The following NPY2R variants were observed in gnomAD, a reference collection of about 807,000 sequenced individuals.
NPY2R encodes neuropeptide Y receptor Y2.
In NPY2R, 17 loss-of-function variants were observed where a neutral mutation model predicts 22.3. That is an observed-to-expected ratio of 0.76 (90% CI 0.52 to 1.14). NPY2R has a LOEUF of 1.14. Among genes scored for constraint, NPY2R ranks in the 50% most tolerant of loss-of-function variants. NPY2R has a pLI of 0.00. For missense variants in NPY2R, 424 were observed against 467.9 expected, an observed-to-expected ratio of 0.91 and a Z score of 0.87; for synonymous variants, 209 against 183.4, an observed-to-expected ratio of 1.14 and a Z score of -1.13.
the NPY2R span, among the ~76,000 whole-genome samples, chr4:155,182,737 G>C: frequency 6.6e-6 from 1 of 152,002 alleles, no homozygotes; most frequent in Non-Finnish European, 1.5e-5. Flanking sequence ...CTGAACATGG[G>C]GCACAGAGAG....
Position 155,214,485 on chromosome 4 carries a change from C to T in NPY2R, c.546C>T (p.Pro182=). The change falls in exon 2 of 2, where the codon CCC becomes CCT. Residue 182 remains proline, a synonymous_variant. Transcript: ENST00000329476. ...AWGISALLAS[P]LAIFREYSLI... ...GCATCAGTGCCCTGCTGGCAAGTCC[C>T]CTGGCCATCTTCCGGGAGTATTCGC... is the stretch of plus-strand genomic sequence containing the variant. 6.2e-7 allele frequency: 1 copy of T among 1,614,172 alleles called. No individual in the cohort carries two copies. Among genetic ancestry groups the T allele is most frequent in the Non-Finnish European group, 8.5e-7 (1 of 1,180,032 alleles).
At chr4:155,185,790 C>T in the NPY2R span, among the ~76,000 whole-genome samples, 1 of 151,854 alleles carries the variant, frequency 6.6e-6, no homozygotes, top group Non-Finnish European at 1.5e-5. Flanking sequence ...TGAATAATAA[C>T]TGCCTATCTA....
chr4:155,204,947 G>A (rs1729252472), upstream of NPY2R, among the ~76,000 whole-genome samples: 1 of 151,938 alleles, frequency 6.6e-6, no homozygotes, highest in Admixed American at 6.6e-5. Flanking sequence ...CTGGCAGTCG[G>A]CCCTGCAGAA....
In NPY2R at chr4:155,214,401, C is replaced by T. The variant is rs751952541; in HGVS notation, c.462C>T (p.Tyr154=). ...TGGACCGGCACAGGTGCATCGTCTA[C>T]CACCTAGAGAGCAAGATCTCCAAGC... ...IALDRHRCIV[Y]HLESKISKRI... The change falls in exon 2 of 2, where the codon TAC becomes TAT. Residue 154 remains tyrosine, a synonymous_variant. Transcript: ENST00000329476. The T allele has an allele frequency of 3.7e-6, 6 of 1,613,992 alleles. No individual in the cohort carries two copies. The East Asian group carries it at 1.1e-4, about 30-fold the overall frequency.
the NPY2R span, among the ~76,000 whole-genome samples, chr4:155,181,488 G>A: frequency 6.6e-6 from 1 of 152,080 alleles, no homozygotes; most frequent in African/African-American, 2.4e-5. Flanking sequence ...CTATGGTCTG[G>A]ATGTTTGTGT....
the NPY2R span, among the ~76,000 whole-genome samples, chr4:155,200,855 G>T: frequency 6.6e-6 from 1 of 152,024 alleles, no homozygotes; most frequent in Non-Finnish European, 1.5e-5. Context: ...ACCAGTTGGT[G>T]GTTTGGGGGT....
At chr4:155,177,893 G>T in the NPY2R span, among the ~76,000 whole-genome samples, 5,836 of 152,084 alleles carry the variant, frequency 0.038, 373 homozygotes, top group African/African-American at 0.13. Flanking sequence ...TGGAGGTTAA[G>T]TTTCACCATA....
In NPY2R at chr4:155,214,362, G is replaced by C; in HGVS notation, c.423G>C (p.Leu141Phe). Residue 141 changes from leucine (L) to phenylalanine (F), a missense_variant, in exon 2 of 2, where the codon TTG (leucine) becomes TTC (phenylalanine). Leu to Phe is a conservative substitution (Grantham distance 22). Coordinates refer to ENST00000329476, the MANE Select transcript of NPY2R (RefSeq NM_000910.4). ...GLAVQVSTIT[L>F]TVIALDRHRC... The stretch of plus-strand genomic sequence containing the variant: ...CAGTACAAGTATCCACAATCACCTT[G>C]ACAGTAATTGCCCTGGACCGGCACA... 1 of 1,614,112 alleles carries C rather than the reference G, an allele frequency of 6.2e-7. No individual in the cohort carries two copies. The highest frequency in any genetic ancestry group is 8.5e-7 in the Non-Finnish European group (1 of 1,180,014).
At chr4:155,194,160 C>T in the NPY2R span, among the ~76,000 whole-genome samples, 2 of 150,054 alleles carry the variant, frequency 1.3e-5, no homozygotes, top group South Asian at 2.1e-4. Context: ...CACACATTTT[C>T]GTTTGTGCAA....
chr4:155,203,376 C>T, the NPY2R span, among the ~76,000 whole-genome samples: 1 of 152,130 alleles, frequency 6.6e-6, no homozygotes, highest in South Asian at 2.1e-4. Context: ...TCAAACTTTA[C>T]TGGACTACTC....
At chr4:155,206,454 T>C (rs1729286161), upstream of NPY2R, 1 of 152,222 alleles carries the variant, frequency 6.6e-6, no homozygotes, top group African/African-American at 2.4e-5. Context: ...TGCACAAAAG[T>C]GTCATAAGCT....
the NPY2R span, chr4:155,174,011 T>C: frequency 1.3e-5 from 2 of 152,032 alleles, no homozygotes; most frequent in African/African-American, 4.8e-5. Context: ...ATTTTGGGAT[T>C]AAGTTCAACT....
rs746190355 is a variant in NPY2R at position 155,214,224 on chromosome 4, A to T, written c.285A>T (p.Ala95=). 4 of 1,614,146 alleles carry T rather than the reference A, an allele frequency of 2.5e-6. No individual in the cohort carries two copies. The highest frequency in any genetic ancestry group is 3.3e-4 in the Middle Eastern group (2 of 6,062). The part of the protein sequence containing the change: ...TNFFIANLAV[A]DLLVNTLCLP... ...TTTTCATTGCCAATCTGGCTGTGGC[A>T]GATCTTTTGGTGAACACTCTGTGTC... Residue 95 remains alanine, a synonymous_variant, in exon 2 of 2, where the codon GCA becomes GCT. Coordinates refer to ENST00000329476, the MANE Select transcript of NPY2R (RefSeq NM_000910.4).
At chr4:155,192,785 C>T in the NPY2R span, among the ~76,000 whole-genome samples, 2 of 151,846 alleles carry the variant, frequency 1.3e-5, no homozygotes, top group Non-Finnish European at 2.9e-5. Flanking sequence ...TTCTCAGCTC[C>T]AAACCTCAAG....
At chr4:155,209,917 CTT>C (rs1199025532) in intron 1 of NPY2R, among the ~76,000 whole-genome samples, 4 of 152,120 alleles carry the variant, frequency 2.6e-5, no homozygotes, top group African/African-American at 9.7e-5. Context: ...ACTCAAATAA[CTT>C]GAGGTTATTT....
intron 1 of NPY2R, among the ~76,000 whole-genome samples, chr4:155,212,578 A>T (rs923327961): frequency 3.3e-5 from 5 of 152,164 alleles, no homozygotes; most frequent in Non-Finnish European, 2.9e-5. Context: ...TGGTAAAGCC[A>T]CCCCTGGCAT....
chr4:155,189,802 G>A, the NPY2R span, among the ~76,000 whole-genome samples: 70,783 of 151,546 alleles, frequency 0.47, 17,222 homozygotes, highest in East Asian at 0.69. Flanking sequence ...TAATATAGGC[G>A]GCTTTCATTA....
Position 155,213,872 on chromosome 4 carries a change from A to G in NPY2R, c.-48-20A>G. On this transcript the variant is annotated intron_variant, in intron 1 of 1. Coordinates refer to ENST00000329476, the MANE Select transcript of NPY2R (RefSeq NM_000910.4). ...GTTTTTGTTGTTGTTGTTTTGTTTT[A>G]TTTTGTTTTTTCTTTTTAGGTTGTA... is the stretch of plus-strand genomic sequence containing the variant. The G allele has an allele frequency of 7.7e-7, 1 of 1,296,378 alleles. No homozygotes were observed. The highest frequency in any genetic ancestry group is 1.1e-6 in the Non-Finnish European group (1 of 893,282). 80.3% of individuals were successfully genotyped at this position (1,296,378 alleles called of 1,614,324 possible).
chr4:155,211,312 C>T (rs1472420092), intron 1 of NPY2R, among the ~76,000 whole-genome samples: 7 of 152,034 alleles, frequency 4.6e-5, no homozygotes, highest in Admixed American at 2.0e-4. Flanking sequence ...GTGGTACATG[C>T]GGCATTAGAA....
Sources: gnomAD v4.1 joint callset for allele counts (sites outside exome capture counted in the v4.1 genomes callset) on GRCh38, gnomAD v4.1.1 for gene constraint, MANE v1.5 for transcripts, NCBI Gene and HGNC (gene_info 2026-07-23, HGNC 2026-07-21) for gene names.